Variants in CLCN5 observed in about 807,000 individuals in gnomAD.
CLCN5 encodes H(+)/Cl(-) exchange transporter 5.
CLCN5 carries 17 observed loss-of-function variants against 54.0 expected under a neutral mutation model. The ratio of observed to expected loss-of-function variants is 0.31; its 90% CI spans 0.22 to 0.47. The LOEUF is 0.47. Among genes scored for constraint, CLCN5 ranks in the 20% least tolerant of loss-of-function variants. The pLI is 1.00. For missense variants in CLCN5, 448 were observed against 646.7 expected (o/e 0.69, Z 3.33); for synonymous variants, 222 against 233.0 (o/e 0.95, Z 0.43).
At chrX:49,995,366 T>C (rs1929465566) in intron 3 of CLCN5, among the ~76,000 whole-genome samples, 1 of 112,343 alleles carries the variant, frequency 8.9e-6, no homozygotes, top group South Asian at 3.7e-4. Flanking sequence ...GTAGCTGTAC[T>C]AAACCAAGCA....
Position 50,092,345 on chromosome X carries a change from T to C in CLCN5, c.*126T>C. ...AAGTCACATTAGTGTGTTGTCTCTT[T>C]CCTACAAGTTAACCAGTTGCACTAC... On this transcript the variant is annotated 3_prime_UTR_variant, in exon 15 of 15. Coordinates refer to ENST00000376091, the MANE Select transcript of CLCN5 (RefSeq NM_001127898.4). 2.0e-6 allele frequency: 1 copy of C among 512,260 alleles called. No individual in the cohort carries two copies. The highest frequency in any genetic ancestry group is 2.7e-5 in the Admixed American group (1 of 36,514). The allele number at this position is 512,260 out of a possible 1,213,427, so 42.2% of individuals were successfully genotyped here.
rs1933648873 is a variant in CLCN5 at position 50,080,539 on chromosome X, A to G, written c.604-55A>G. 3 of 1,107,108 alleles carry G rather than the reference A, an allele frequency of 2.7e-6. No homozygotes were observed. In the East Asian group the frequency reaches 9.4e-5, roughly 35 times the overall value. 91.2% of individuals were successfully genotyped at this position (1,107,108 alleles called of 1,213,427 possible). A position where few individuals can be genotyped will look rare whatever the true frequency, so the allele number is the denominator to read the frequency against. ...AAAAAACATTACTCAGAAGAGCTGC[A>G]TGTCTCACTGAAGCTGTCTAGGCTA... On this transcript the variant is annotated intron_variant, in intron 7 of 14. Coordinates refer to ENST00000376091, the MANE Select transcript of CLCN5 (RefSeq NM_001127898.4).
chrX:49,973,939 T>C lies in CLCN5; in HGVS notation c.16+48625T>C, dbSNP rs782772070. Among the ~76,000 whole-genome samples, 289 of 112,248 alleles carry C rather than the reference T, an allele frequency of 2.6e-3. 1 individual carries two copies. The highest frequency in any genetic ancestry group is 8.9e-3 in the African/African-American group (276 of 30,883). ...CCCCCAGCCTTGCCAACCATCAGTT[T>C]ACTTTCTCTTTCTATAGATTTGACT... On this transcript the variant is annotated intron_variant, in intron 3 of 14. Transcript: ENST00000376091.
chrX:50,008,486 AC>A (rs782187953), intron 3 of CLCN5: 11 of 359,994 alleles, frequency 3.1e-5, no homozygotes, highest in Non-Finnish European at 6.3e-5. Flanking sequence ...AATGCAATGC[AC>A]CTGGGCAAGG....
chrX:50,025,377 C>T (rs1931312816), intron 3 of CLCN5, among the ~76,000 whole-genome samples: 1 of 89,925 alleles, frequency 1.1e-5, no homozygotes, highest in Non-Finnish European at 2.2e-5. Context: ...CGCCCACTGT[C>T]TGGCACTCCC....
intron 3 of CLCN5, among the ~76,000 whole-genome samples, chrX:49,944,189 G>A (rs1926553577): frequency 9.0e-6 from 1 of 111,569 alleles, no homozygotes; most frequent in South Asian, 3.8e-4. Flanking sequence ...ATTCACTCAT[G>A]ATTTGGCTCT....
At chrX:49,941,580 G>T (rs1926333712) in intron 3 of CLCN5, among the ~76,000 whole-genome samples, 1 of 110,290 alleles carries the variant, frequency 9.1e-6, no homozygotes, top group Admixed American at 9.8e-5. Flanking sequence ...CCAAGCTGAG[G>T]CCAGTTCTAA....
intron 4 of CLCN5, among the ~76,000 whole-genome samples, chrX:50,047,481 T>TTTA (rs782601581): frequency 9.9e-5 from 11 of 111,494 alleles, no homozygotes; most frequent in African/African-American, 3.3e-4. Flanking sequence ...GTCCACAGGC[T>TTTA]TTAAAGGGTT....
chrX:50,017,144 C>G (rs1290540233), intron 3 of CLCN5, among the ~76,000 whole-genome samples: 2 of 111,387 alleles, frequency 1.8e-5, no homozygotes, highest in Admixed American at 9.6e-5. Flanking sequence ...AAGTAAAATA[C>G]CAGGAAGTGT....
chrX:49,975,128 T>A (rs1928414468), intron 3 of CLCN5, among the ~76,000 whole-genome samples: 1 of 111,681 alleles, frequency 9.0e-6, no homozygotes, highest in Non-Finnish European at 1.9e-5. Flanking sequence ...TTTAACCCAT[T>A]ACCAGAGTTT....
chrX:50,019,489 T>TTTTTTTTTTA (rs1930975324), intron 3 of CLCN5, among the ~76,000 whole-genome samples: 2 of 76,189 alleles, frequency 2.6e-5, no homozygotes, highest in African/African-American at 1.1e-4. Flanking sequence ...TTTTTTTTTT[T>TTTTTTTTTTA]ATTATACTCT....
intron 3 of CLCN5, among the ~76,000 whole-genome samples, chrX:49,971,333 C>T (rs190758488): frequency 0.016 from 1,632 of 103,571 alleles, 29 homozygotes; most frequent in African/African-American, 0.055. Context: ...GAAATAGTTT[C>T]ACTTACTTTC....
chrX:50,058,149 A>G (rs1034048308), intron 4 of CLCN5, among the ~76,000 whole-genome samples: 2 of 111,655 alleles, frequency 1.8e-5, no homozygotes, highest in Non-Finnish European at 3.8e-5. Flanking sequence ...TAAAGGGACT[A>G]TTTTCAAGTC....
chrX:50,026,622 C>T (rs782010472), intron 3 of CLCN5, among the ~76,000 whole-genome samples: 1 of 111,609 alleles, frequency 9.0e-6, no homozygotes, highest in South Asian at 3.8e-4. Flanking sequence ...TGCAGTACCC[C>T]TCTTTATCGC....
At chrX:50,078,251 C>T (rs1602118423) in intron 7 of CLCN5, among the ~76,000 whole-genome samples, 1 of 110,500 alleles carries the variant, frequency 9.0e-6, no homozygotes, top group African/African-American at 3.3e-5. Context: ...GGAGGATTCC[C>T]TGAACCCAGG....
At chrX:50,019,557 A>G (rs1311413210) in intron 3 of CLCN5, among the ~76,000 whole-genome samples, 2 of 54,251 alleles carry the variant, frequency 3.7e-5, no homozygotes, top group Non-Finnish European at 6.3e-5. Flanking sequence ...TACATGTGCC[A>G]TGCTGGTGCG....
intron 4 of CLCN5, among the ~76,000 whole-genome samples, chrX:50,057,249 T>A (rs782409604): frequency 1.3e-4 from 14 of 108,053 alleles, no homozygotes; most frequent in Non-Finnish European, 2.1e-4. Context: ...TGGTTATTTA[T>A]CTGTAGCTAC....
intron 3 of CLCN5, chrX:50,013,175 CTT>C (rs1412171506): frequency 4.0e-5 from 11 of 275,186 alleles, no homozygotes; most frequent in African/African-American, 3.2e-4. Context: ...CTCTCTCTCT[CTT>C]TCTCTCTTTC....
chrX:50,029,784 G>T (rs1557185574), intron 3 of CLCN5, among the ~76,000 whole-genome samples: 1 of 112,101 alleles, frequency 8.9e-6, no homozygotes, highest in South Asian at 3.8e-4. Context: ...TACACTGTTG[G>T]TGGGACTGTA....
Sources: allele counts gnomAD v4.1 joint callset (sites outside exome capture counted in the v4.1 genomes callset), GRCh38; gene constraint gnomAD v4.1.1; transcripts MANE v1.5; gene names NCBI Gene and HGNC (gene_info 2026-07-23, HGNC 2026-07-21).